Variants in MYLIP observed in about 807,000 individuals in gnomAD.
MYLIP encodes the protein myosin regulatory light chain interacting protein.
MYLIP carries 26 observed loss-of-function variants against 45.8 expected under a neutral mutation model. The ratio of observed to expected loss-of-function variants is 0.57; its 90% CI spans 0.42 to 0.79. The LOEUF is 0.79. MYLIP is among the 30% of genes least tolerant of loss of function. MYLIP has a pLI of 0.00. For synonymous variants in MYLIP, 213 were observed against 218.1 expected (o/e 0.98, Z 0.21); for missense variants, 494 against 555.6 (o/e 0.89, Z 1.11).
In MYLIP at chr6:16,146,901, T is replaced by C; in HGVS notation, c.*150T>C. On this transcript the variant is annotated 3_prime_UTR_variant, in exon 7 of 7. Coordinates refer to ENST00000356840, the MANE Select transcript of MYLIP (RefSeq NM_013262.4). ...AAAAAAGGAAGAAAAATAACACAGC[T>C]ACTCCTCACTGCAAAAACATATCCA... is the stretch of plus-strand genomic sequence containing the variant. 1 of 645,252 alleles carries C rather than the reference T, an allele frequency of 1.5e-6. No homozygotes were observed. Among genetic ancestry groups the C allele is most frequent in the South Asian group, 2.2e-5 (1 of 46,422 alleles). 40.0% of individuals were successfully genotyped at this position (645,252 alleles called of 1,614,324 possible). A position where few individuals can be genotyped will look rare whatever the true frequency, so the allele number is the denominator to read the frequency against.
chr6:16,161,290 G>T, the MYLIP span: 1 of 371,206 alleles, frequency 2.7e-6, no homozygotes, highest in South Asian at 2.3e-5. Flanking sequence ...CAAGCCTGCT[G>T]TCACATCTAT....
At chr6:16,145,372 A>AC (rs1759769092) in intron 6 of MYLIP, 55 bp downstream of exon 6, 1 of 1,517,966 alleles carries the variant, frequency 6.6e-7, no homozygotes, top group East Asian at 2.3e-5. Context: ...CCTCCTCTTA[A>AC]CGGGGAGTAG....
chr6:16,140,502 A>G (rs906355274), intron 2 of MYLIP, among the ~76,000 whole-genome samples: 19 of 152,322 alleles, frequency 1.2e-4, no homozygotes, highest in African/African-American at 4.6e-4. Flanking sequence ...GAGGCACTTA[A>G]GAAGTCATAC....
At chr6:16,155,469 T>G in the MYLIP span, among the ~76,000 whole-genome samples, 1 of 152,224 alleles carries the variant, frequency 6.6e-6, no homozygotes, top group Non-Finnish European at 1.5e-5. Flanking sequence ...AACAAGGGAA[T>G]GAAAAATACT....
At chr6:16,140,802 C>T (rs986297832) in intron 2 of MYLIP, among the ~76,000 whole-genome samples, 3 of 152,176 alleles carry the variant, frequency 2.0e-5, no homozygotes, top group Admixed American at 6.5e-5. Context: ...GCTCCCTTGG[C>T]AAGCCGTACA....
the MYLIP span, among the ~76,000 whole-genome samples, chr6:16,158,767 G>A: frequency 3.9e-5 from 6 of 152,200 alleles, no homozygotes; most frequent in South Asian, 1.2e-3. Flanking sequence ...CTACTCGGGA[G>A]GCTGAGGCAG....
chr6:16,162,155 G>A, the MYLIP span, among the ~76,000 whole-genome samples: 1 of 152,216 alleles, frequency 6.6e-6, no homozygotes, highest in African/African-American at 2.4e-5. Flanking sequence ...GTGGTAGTGA[G>A]GCCTCCTTAA....
Position 16,141,719 on chromosome 6 carries a change from C to G in MYLIP, c.373C>G (p.Gln125Glu). ...QAVELSALLA[Q>E]TKFGDYNQNT... is the part of the protein sequence containing the mutation. Reference sequence around the variant, plus strand: ...AGTGGAACTCAGTGCCCTCCTGGCCCAGACCAAGTTTGGAGACTACAACCA... The same window carrying G: ...AGTGGAACTCAGTGCCCTCCTGGCCGAGACCAAGTTTGGAGACTACAACCA... The change falls in exon 3 of 7, where the codon CAG becomes GAG. Residue 125 changes from glutamine (Q) to glutamate (E), a missense_variant. Transcript: ENST00000356840. 1 of 1,614,180 alleles carries G rather than the reference C, an allele frequency of 6.2e-7. No homozygotes were observed. Among genetic ancestry groups the G allele is most frequent in the Non-Finnish European group, 8.5e-7 (1 of 1,180,020 alleles).
Position 16,145,171 on chromosome 6 carries a change from TG to T in MYLIP, c.1103del (p.Cys368SerfsTer14). Reference protein sequence around the residue: ...MNCSSCEGLSCQQTRVLQEKL... With the variant: ...MNCSSCEGLSXQQTRVLQEKL... ...CTGCAGCAGCTGCGAGGGCCTCAGC[TG>T]CCAGCAGACCCGGGTGCTGCAGGAG... On this transcript the variant is annotated frameshift_variant, in exon 6 of 7. Transcript: ENST00000356840. LOFTEE classifies it high-confidence loss of function. 6.2e-7 allele frequency: 1 copy of T among 1,614,188 alleles called. No individual in the cohort carries two copies.
In MYLIP at chr6:16,129,186, C is replaced by A; in HGVS notation, c.-137C>A. The A allele has an allele frequency of 1.1e-6, 1 of 881,840 alleles. No individual in the cohort carries two copies. Among genetic ancestry groups the A allele is most frequent in the Non-Finnish European group, 1.7e-6 (1 of 593,240 alleles). The allele number at this position is 881,840 out of a possible 1,614,324, so 54.6% of individuals were successfully genotyped here. ...GACGCGAGTGGCGGCCGCGGGGCCCCGGACAAGGGTCCGCAGAGCTGCAGC... is the reference window on the plus strand; with the variant it reads ...GACGCGAGTGGCGGCCGCGGGGCCCAGGACAAGGGTCCGCAGAGCTGCAGC... On this transcript the variant is annotated 5_prime_UTR_variant, in exon 1 of 7. Coordinates refer to ENST00000356840, the MANE Select transcript of MYLIP (RefSeq NM_013262.4). The surrounding 1 kb of genome is among the most constrained non-coding windows in gnomAD (Gnocchi z 5.1).
rs1438391033 is a variant in MYLIP at position 16,148,020 on chromosome 6, A to G, written c.*1269A>G. 5 of 152,546 alleles carry G rather than the reference A, an allele frequency of 3.3e-5. No individual in the cohort carries two copies. The highest frequency in any genetic ancestry group is 9.7e-5 in the African/African-American group (4 of 41,412). 9.4% of individuals were successfully genotyped at this position (152,546 alleles called of 1,614,324 possible). On this transcript the variant is annotated 3_prime_UTR_variant, in exon 7 of 7. Transcript: ENST00000356840. ...TGAGATTTCTGAGTATACTTTTCAT[A>G]TTGCCTTAATGTAGCAGTAATGTGT...
chr6:16,145,450 AT>A lies in MYLIP; in HGVS notation c.1248+136del. ...ATCTTCACCCGGAAAGGGTCTTTGT[AT>A]TTGGTGACCTAAAAGGCATTGCCCT... On this transcript the variant is annotated intron_variant, in intron 6 of 6. Coordinates refer to ENST00000356840, the MANE Select transcript of MYLIP (RefSeq NM_013262.4). 5.9e-6 allele frequency: 6 copies of A among 1,024,234 alleles called. No individual in the cohort carries two copies. In the South Asian group the frequency reaches 7.3e-5, roughly 13 times the overall value. 63.4% of individuals were successfully genotyped at this position (1,024,234 alleles called of 1,614,324 possible). A position where few individuals can be genotyped will look rare whatever the true frequency, so the allele number is the denominator to read the frequency against.
At chr6:16,155,359 A>G in the MYLIP span, among the ~76,000 whole-genome samples, 1 of 152,180 alleles carries the variant, frequency 6.6e-6, no homozygotes, top group Non-Finnish European at 1.5e-5. Flanking sequence ...CCCCCTACTT[A>G]AGCATCTCTG....
chr6:16,144,787 A>G, intron 5 of MYLIP, 110 bp from the exon 6 acceptor site: 1 of 1,242,202 alleles, frequency 8.1e-7, no homozygotes. Context: ...TCATACATGC[A>G]GACGAGACTA....
downstream of MYLIP, among the ~76,000 whole-genome samples, chr6:16,151,510 A>T (rs549208009): frequency 2.6e-5 from 4 of 152,382 alleles, no homozygotes; most frequent in South Asian, 8.3e-4. Context: ...CTGACCAAGC[A>T]ATGGGGAAAA....
Position 16,145,072 on chromosome 6 carries a change from GT to G in MYLIP, c.1005del (p.Val336TrpfsTer16). ...HARRALYNAGVVDLVSRNNQS... is the reference protein window; with the variant it reads ...HARRALYNAGXVDLVSRNNQS... ...CAGGAGGGCTCTGTACAATGCTGGC[GT>G]TGTGGACCTCGTTTCAAGAAACAAC... is the stretch of plus-strand genomic sequence containing the variant. On this transcript the variant is annotated frameshift_variant, in exon 6 of 7. Coordinates refer to ENST00000356840, the MANE Select transcript of MYLIP (RefSeq NM_013262.4). LOFTEE classifies it high-confidence loss of function. 1.9e-6 allele frequency: 3 copies of G among 1,614,192 alleles called. No individual in the cohort carries two copies. Among genetic ancestry groups the G allele is most frequent in the Non-Finnish European group, 2.5e-6 (3 of 1,180,024 alleles).
chr6:16,142,943 C>T, intron 3 of MYLIP, 77 bp from the exon 4 acceptor site: 2 of 1,400,032 alleles, frequency 1.4e-6, no homozygotes, highest in Non-Finnish European at 2.0e-6. Flanking sequence ...GTATATTTCA[C>T]TCGTGAAGAC....
In MYLIP at chr6:16,129,132, T is replaced by C. The variant is rs1337423446; in HGVS notation, c.-191T>C. On this transcript the variant is annotated 5_prime_UTR_variant, in exon 1 of 7. Coordinates refer to ENST00000356840, the MANE Select transcript of MYLIP (RefSeq NM_013262.4). This position sits in a 1 kb window ranked among gnomAD's most constrained non-coding sequence, Gnocchi z 5.1. ...CGCCACCGCGGAGGACAGGGGCAGC[T>C]GGCGGGCAGCGGGTGAGGGGGTGGC... is the stretch of plus-strand genomic sequence containing the variant. 6 of 584,596 alleles carry C rather than the reference T, an allele frequency of 1.0e-5. No homozygotes were observed. In the Admixed American group the frequency reaches 1.9e-4, roughly 18 times the overall value. The allele number at this position is 584,596 out of a possible 1,614,324, so 36.2% of individuals were successfully genotyped here.
Position 16,129,630 on chromosome 6 carries a change from G to A in MYLIP, c.87+221G>A, listed in dbSNP as rs1759414315. Among the ~76,000 whole-genome samples, 1 of 152,174 alleles carries A rather than the reference G, an allele frequency of 6.6e-6. No homozygotes were observed. The highest frequency in any genetic ancestry group is 2.4e-5 in the African/African-American group (1 of 41,468). ...AAAGCGCGCAGCGGGGGTCCCCAGC[G>A]CTGAGGGCCGGGCGCAGCCCGCAGC... is the stretch of plus-strand genomic sequence containing the variant. On this transcript the variant is annotated intron_variant, in intron 1 of 6. Coordinates refer to ENST00000356840, the MANE Select transcript of MYLIP (RefSeq NM_013262.4). The surrounding 1 kb of genome is among the most constrained non-coding windows in gnomAD (Gnocchi z 5.1).
Sources: gnomAD v4.1 joint callset for allele counts (sites outside exome capture counted in the v4.1 genomes callset) on GRCh38, gnomAD v4.1.1 for gene constraint, Gnocchi (gnomAD v3.1) non-coding constraint, MANE v1.5 for transcripts, NCBI Gene and HGNC (gene_info 2026-07-23, HGNC 2026-07-21) for gene names.